Variants in RELL1 observed in about 807,000 individuals in gnomAD.
RELL1 encodes RELT like 1.
A neutral mutation model predicts 23.0 loss-of-function variants in RELL1; 10 were observed. That is an observed-to-expected ratio of 0.43 (90% CI 0.27 to 0.74). The LOEUF (loss-of-function observed/expected upper bound fraction) is 0.74. Among genes scored for constraint, RELL1 ranks in the 30% least tolerant of loss-of-function variants. The probability of loss-of-function intolerance (pLI) is 0.19; values close to 1 mark genes in which losing one functional copy is unlikely to be tolerated. For synonymous variants in RELL1, 146 were observed against 146.8 expected (o/e 0.99, Z 0.04); for missense variants, 315 against 364.4 (o/e 0.86, Z 1.10).
intron 4 of RELL1, among the ~76,000 whole-genome samples, chr4:37,636,512 G>A (rs938212961): frequency 2.0e-5 from 3 of 151,252 alleles, no homozygotes; most frequent in African/African-American, 4.9e-5. Context: ...GGAGAATGGT[G>A]TGAACCCGGA....
At chr4:37,650,057 C>A (rs1288845589) in intron 1 of RELL1, among the ~76,000 whole-genome samples, 1 of 152,140 alleles carries the variant, frequency 6.6e-6, no homozygotes, top group Non-Finnish European at 1.5e-5. Context: ...ACCTACTCAC[C>A]CTTCTAGGAT....
downstream of RELL1, among the ~76,000 whole-genome samples, chr4:37,606,478 C>G (rs1719225231): frequency 6.6e-6 from 1 of 152,170 alleles, no homozygotes. This position sits in a 1 kb window ranked among gnomAD's most constrained non-coding sequence, Gnocchi z 4.1. Flanking sequence ...GGGTTCTCTG[C>G]AAATGTAATC....
At chr4:37,598,870 A>T (rs1718945739) in intron 6 of RELL1, among the ~76,000 whole-genome samples, 1 of 152,080 alleles carries the variant, frequency 6.6e-6, no homozygotes, top group Admixed American at 6.6e-5. Context: ...ATTTTAGTAG[A>T]GACAAGGTTT....
chr4:37,587,300 T>C (rs1340621142), downstream of RELL1, among the ~76,000 whole-genome samples: 1 of 152,184 alleles, frequency 6.6e-6, no homozygotes, highest in Non-Finnish European at 1.5e-5. Flanking sequence ...CATCTGCAAA[T>C]ACCTTTAATT....
At chr4:37,627,246 C>T (rs181557073) in intron 6 of RELL1, among the ~76,000 whole-genome samples, 72 of 152,090 alleles carry the variant, frequency 4.7e-4, no homozygotes, top group African/African-American at 1.7e-3. Flanking sequence ...ACACTATCAG[C>T]GAATGGAACA....
downstream of RELL1, among the ~76,000 whole-genome samples, chr4:37,607,648 C>G (rs1199395572): frequency 2.7e-5 from 4 of 149,724 alleles, no homozygotes; most frequent in African/African-American, 9.9e-5. Context: ...GGCACAATCT[C>G]AGCTCACTGC....
At position 37,597,032 on chromosome 4, in the gene RELL1, G is replaced by A. The variant is rs190637195; in HGVS notation, c.*4-5815C>T. ...CAAAGTGCTGGGATTACAGGCGTGAGTCACCGCGCCCAGCCCGGGCCAATA... is the reference window on the plus strand; with the variant it reads ...CAAAGTGCTGGGATTACAGGCGTGAATCACCGCGCCCAGCCCGGGCCAATA... On this transcript the variant is annotated intron_variant, in intron 6 of 6. Coordinates refer to the RELL1 transcript ENST00000314117. 3.2e-4 allele frequency among the ~76,000 whole-genome samples: 48 copies of A among 151,874 alleles called. 2 individuals carry two copies. The East Asian group carries it at 9.3e-3, about 30-fold the overall frequency.
chr4:37,662,866 C>T (rs1473228291), intron 1 of RELL1, among the ~76,000 whole-genome samples: 2 of 152,018 alleles, frequency 1.3e-5, no homozygotes, highest in Non-Finnish European at 2.9e-5. Context: ...AGGACCTCAA[C>T]TTCTGGACTC....
intron 1 of RELL1, among the ~76,000 whole-genome samples, chr4:37,656,040 G>A (rs187221088): frequency 3.3e-5 from 5 of 152,312 alleles, no homozygotes. Flanking sequence ...GGATCTTGAG[G>A]AGATACCTGC....
intron 1 of RELL1, among the ~76,000 whole-genome samples, chr4:37,681,498 A>G (rs1331701877): frequency 1.4e-5 from 2 of 144,420 alleles, no homozygotes; most frequent in East Asian, 2.0e-4. Flanking sequence ...CATATGCTGC[A>G]GGCATCAGGG....
intron 1 of RELL1, among the ~76,000 whole-genome samples, chr4:37,664,314 G>A (rs578220997): frequency 6.6e-6 from 1 of 151,836 alleles, no homozygotes; most frequent in Non-Finnish European, 1.5e-5. Context: ...TTGAACCTGG[G>A]AGGCAGGGCT....
chr4:37,595,743 A>C (rs779357029), intron 6 of RELL1, among the ~76,000 whole-genome samples: 2 of 152,154 alleles, frequency 1.3e-5, no homozygotes, highest in African/African-American at 4.8e-5. Context: ...TGGACAGAGT[A>C]GAATTTGGGC....
At chr4:37,594,994 CT>C (rs1718781824) in intron 6 of RELL1, among the ~76,000 whole-genome samples, 2 of 152,220 alleles carry the variant, frequency 1.3e-5, no homozygotes, top group South Asian at 4.1e-4. Context: ...ATCAAGGGCA[CT>C]GCTTTTCACA....
chr4:37,655,771 G>A (rs999976006), intron 1 of RELL1, among the ~76,000 whole-genome samples: 1 of 152,220 alleles, frequency 6.6e-6, no homozygotes, highest in Non-Finnish European at 1.5e-5. Context: ...TTGAGCAACT[G>A]GATCTGCTCC....
intron 6 of RELL1, among the ~76,000 whole-genome samples, chr4:37,597,859 G>A (rs564462830): frequency 2.6e-5 from 4 of 151,662 alleles, no homozygotes; most frequent in East Asian, 1.9e-4. Context: ...AAGACCAGCC[G>A]GGCCAAAATG....
At chr4:37,617,590 C>T (rs895870848) in intron 6 of RELL1, among the ~76,000 whole-genome samples, 1 of 152,164 alleles carries the variant, frequency 6.6e-6, no homozygotes, top group Admixed American at 6.5e-5. Context: ...CGAGACCAGC[C>T]TGGCCAACAT....
chr4:37,604,840 GACAC>G (rs1553871536), intron 6 of RELL1, among the ~76,000 whole-genome samples: 6 of 37,844 alleles, frequency 1.6e-4, no homozygotes, highest in African/African-American at 3.6e-4. Flanking sequence ...CATACACACA[GACAC>G]ACACACAGAC....
intron 6 of RELL1, among the ~76,000 whole-genome samples, chr4:37,604,776 G>GACACACAC (rs1186865181): frequency 2.6e-4 from 19 of 72,604 alleles, no homozygotes; most frequent in Admixed American, 1.9e-3. Flanking sequence ...CACACACACA[G>GACACACAC]ACACACACAG....
At chr4:37,619,284 G>A (rs977983174) in intron 6 of RELL1, among the ~76,000 whole-genome samples, 2 of 152,080 alleles carry the variant, frequency 1.3e-5, no homozygotes, top group African/African-American at 2.4e-5. Flanking sequence ...CCAAGTTCGA[G>A]CGATTCTCCT....
Sources: gnomAD v4.1 joint callset for allele counts (sites outside exome capture counted in the v4.1 genomes callset) on GRCh38, gnomAD v4.1.1 for gene constraint, Gnocchi (gnomAD v3.1) non-coding constraint, MANE v1.5 for transcripts, NCBI Gene and HGNC (gene_info 2026-07-23, HGNC 2026-07-21) for gene names.